The following NPTXR variants were observed in gnomAD, a reference collection of about 807,000 sequenced individuals.
The protein encoded by NPTXR is neuronal pentraxin receptor.
In NPTXR, 12 loss-of-function variants were observed where a neutral mutation model predicts 32.2. That is an observed-to-expected ratio of 0.37 (90% CI 0.24 to 0.60). NPTXR has a LOEUF of 0.60. Among genes scored for constraint, NPTXR ranks in the 20% least tolerant of loss-of-function variants. The probability of loss-of-function intolerance (pLI) is 0.66; values close to 1 mark genes in which losing one functional copy is unlikely to be tolerated. For synonymous variants in NPTXR, 323 were observed against 315.8 expected, an observed-to-expected ratio of 1.02 and a Z score of -0.24; for missense variants, 612 against 682.9, an observed-to-expected ratio of 0.90 and a Z score of 1.16.
In NPTXR at chr22:38,834,138, G is replaced by T. The variant is rs139921090; in HGVS notation, c.625-5626C>A. On this transcript the variant is annotated intron_variant, in intron 1 of 4. Coordinates refer to ENST00000333039, the MANE Select transcript of NPTXR (RefSeq NM_014293.4). This position sits in a 1 kb window ranked among gnomAD's most constrained non-coding sequence, Gnocchi z 4.4. ...ATGCTTGAATCTAAACCTGCGTCTCGCCCAGAGCTTCACTCAGCTCCTAGC... is the reference window on the plus strand; with the variant it reads ...ATGCTTGAATCTAAACCTGCGTCTCTCCCAGAGCTTCACTCAGCTCCTAGC... Among the ~76,000 whole-genome samples the T allele has an allele frequency of 1.3e-5, 2 of 151,634 alleles. No homozygotes were observed. The highest frequency in any genetic ancestry group is 4.9e-5 in the African/African-American group (2 of 41,208).
In NPTXR at chr22:38,843,346, G is replaced by A; in HGVS notation, c.513C>T (p.Gly171=). 7.1e-7 allele frequency: 1 copy of A among 1,411,256 alleles called. No individual in the cohort carries two copies. Among genetic ancestry groups the A allele is most frequent in the Non-Finnish European group, 9.2e-7 (1 of 1,090,432 alleles). The allele number at this position is 1,411,256 out of a possible 1,614,324, so 87.4% of individuals were successfully genotyped here. The change falls in exon 1 of 5, where the codon GGC becomes GGT. Residue 171 remains glycine, a synonymous_variant. Coordinates refer to ENST00000333039, the MANE Select transcript of NPTXR (RefSeq NM_014293.4). This position sits in a 1 kb window ranked among gnomAD's most constrained non-coding sequence, Gnocchi z 5.3. ...CCATGGTGTCGCGGCGGGGCCCGGCGCCCTGGAGGCCGCGCGGCAGGCCGC... is the reference window on the plus strand; with the variant it reads ...CCATGGTGTCGCGGCGGGGCCCGGCACCCTGGAGGCCGCGCGGCAGGCCGC...
chr22:38,840,445 T>C (rs1210237531), intron 1 of NPTXR, among the ~76,000 whole-genome samples: 1 of 151,862 alleles, frequency 6.6e-6, no homozygotes, highest in Admixed American at 6.6e-5. Context: ...AGGAAGACCC[T>C]TGGGGCTGCC....
rs9611034 is a variant in NPTXR at position 38,834,879 on chromosome 22, C to T, written c.625-6367G>A. 0.21 allele frequency among the ~76,000 whole-genome samples: 32,277 copies of T among 152,024 alleles called. 3,744 individuals are homozygous for T. The highest frequency in any genetic ancestry group is 0.3 in the African/African-American group (12,409 of 41,406). On this transcript the variant is annotated intron_variant, in intron 1 of 4. Transcript: ENST00000333039. The surrounding 1 kb of genome is among the most constrained non-coding windows in gnomAD (Gnocchi z 4.4). ...GTGTGGTCAACCATAAGAGGCAGTACGTGGTTGTCACATTACTATTATTCT... is the reference window on the plus strand; with the variant it reads ...GTGTGGTCAACCATAAGAGGCAGTATGTGGTTGTCACATTACTATTATTCT...
At chr22:38,826,846 C>T (rs2093107970) in intron 2 of NPTXR, 99 bp from the exon 3 acceptor site, 8 of 1,397,260 alleles carry the variant, frequency 5.7e-6, no homozygotes, top group Admixed American at 4.0e-5. Context: ...AGCTCCCAGG[C>T]ACCTGCTGCA....
intron 1 of NPTXR, among the ~76,000 whole-genome samples, chr22:38,835,480 T>C (rs1023324920): frequency 1.3e-5 from 2 of 152,034 alleles, no homozygotes; most frequent in African/African-American, 2.4e-5. Context: ...AGAAGACAAA[T>C]GGGGAGGAGG....
chr22:38,840,712 A>G (rs111861825), intron 1 of NPTXR, among the ~76,000 whole-genome samples: 9 of 152,236 alleles, frequency 5.9e-5, no homozygotes, highest in African/African-American at 2.2e-4. Context: ...CCTGGGCTGG[A>G]CACTGAGTTT....
chr22:38,836,254 T>C (rs2093123821), intron 1 of NPTXR, among the ~76,000 whole-genome samples: 1 of 152,100 alleles, frequency 6.6e-6, no homozygotes. Flanking sequence ...TGCAACCCAC[T>C]CCTGTGGCTC....
Position 38,826,579 on chromosome 22 carries a change from TAGG to T in NPTXR, c.1016_1018del (p.Ser339del). ...CTCGTTGGCCTGCCCGGGCACTGAG[TAGG>T]AGAAGGGGGTGCCCTGGCCGGTGCC... On this transcript the variant is annotated inframe_deletion, in exon 3 of 5. Coordinates refer to ENST00000333039, the MANE Select transcript of NPTXR (RefSeq NM_014293.4). 6.2e-7 allele frequency: 1 copy of T among 1,614,026 alleles called. No individual in the cohort carries two copies. Among genetic ancestry groups the T allele is most frequent in the Non-Finnish European group, 8.5e-7 (1 of 1,179,982 alleles).
In NPTXR at chr22:38,822,897, GC is replaced by G. The variant is rs112182726; in HGVS notation, c.1279-65del. 2.3e-3 allele frequency: 3,492 copies of G among 1,514,322 alleles called. 62 individuals are homozygous for G. The African/African-American group carries it at 0.041, about 18-fold the overall frequency. 93.8% of individuals were successfully genotyped at this position (1,514,322 alleles called of 1,614,324 possible). A position where few individuals can be genotyped will look rare whatever the true frequency, so the allele number is the denominator to read the frequency against. ...GTGAGGGAGCAGAAAAGACAGGCAG[GC>G]TGGCTCAGTCAGGCTCTTGTCCCCG... is the stretch of plus-strand genomic sequence containing the variant. On this transcript the variant is annotated intron_variant, in intron 4 of 4. Coordinates refer to ENST00000333039, the MANE Select transcript of NPTXR (RefSeq NM_014293.4).
chr22:38,842,633 C>G (rs2093133231), intron 1 of NPTXR, among the ~76,000 whole-genome samples: 1 of 152,180 alleles, frequency 6.6e-6, no homozygotes, highest in Non-Finnish European at 1.5e-5. Context: ...GTGTGTGAGG[C>G]TGGGCGCCTG....
rs117273127 is a variant in NPTXR at position 38,826,630 on chromosome 22, A to G, written c.968T>C (p.Met323Thr). 19 of 1,614,276 alleles carry G rather than the reference A, an allele frequency of 1.2e-5. No individual in the cohort carries two copies. In the East Asian group the frequency reaches 3.3e-4, roughly 28 times the overall value. Residue 323 changes from methionine to threonine, a missense_variant, in exon 3 of 5, where the codon ATG becomes ACG. Transcript: ENST00000333039. Reference sequence around the variant, plus strand: ...GCCGCTGGACCTGGACCGCAGCCACATGCAGGCGGTGAATGCGTAGAGCTC... The same window carrying G: ...GCCGCTGGACCTGGACCGCAGCCACGTGCAGGCGGTGAATGCGTAGAGCTC...
intron 1 of NPTXR, among the ~76,000 whole-genome samples, chr22:38,841,029 G>A (rs1381237632): frequency 6.6e-6 from 1 of 152,172 alleles, no homozygotes. Flanking sequence ...AGTGTATCCT[G>A]GGAGGGAAAG....
At chr22:38,835,398 G>A (rs1287708912) in intron 1 of NPTXR, among the ~76,000 whole-genome samples, 1 of 152,226 alleles carries the variant, frequency 6.6e-6, no homozygotes, top group Non-Finnish European at 1.5e-5. Context: ...TGGGGAACAG[G>A]TGAGTGGTGG....
intron 3 of NPTXR, among the ~76,000 whole-genome samples, chr22:38,826,096 G>T (rs1357393205): frequency 6.6e-6 from 1 of 152,106 alleles, no homozygotes; most frequent in Non-Finnish European, 1.5e-5. Context: ...GCCCGCCTCG[G>T]CCTCCCAAAG....
rs2093097845 is a variant in NPTXR, at chr22:38,821,897, T to G, written c.*712A>C. 1 of 154,516 alleles carries G rather than the reference T, an allele frequency of 6.5e-6. No homozygotes were observed. The highest frequency in any genetic ancestry group is 1.4e-5 in the Non-Finnish European group (1 of 69,436). 9.6% of individuals were successfully genotyped at this position (154,516 alleles called of 1,614,324 possible). On this transcript the variant is annotated 3_prime_UTR_variant, in exon 5 of 5. Coordinates refer to ENST00000333039, the MANE Select transcript of NPTXR (RefSeq NM_014293.4). Reference sequence around the variant, plus strand: ...ACTATGGGTGAGCACAAGGGGTGACTGCAGCCCTTTGGCCTCCTGGGGTCT... The same window carrying G: ...ACTATGGGTGAGCACAAGGGGTGACGGCAGCCCTTTGGCCTCCTGGGGTCT...
chr22:38,820,264 G>A lies in NPTXR; in HGVS notation c.*2345C>T, dbSNP rs933712969. ...AAGCCCGCCATTGCCTTTTCTTCCAGTGGGATTGTACTGGAGGGGCTGGGC... is the reference window on the plus strand; with the variant it reads ...AAGCCCGCCATTGCCTTTTCTTCCAATGGGATTGTACTGGAGGGGCTGGGC... On this transcript the variant is annotated 3_prime_UTR_variant, in exon 5 of 5. Coordinates refer to ENST00000333039, the MANE Select transcript of NPTXR (RefSeq NM_014293.4). 3.3e-5 allele frequency: 5 copies of A among 152,666 alleles called. No individual in the cohort carries two copies. Among genetic ancestry groups the A allele is most frequent in the Admixed American group, 6.5e-5 (1 of 15,284 alleles). 9.5% of individuals were successfully genotyped at this position (152,666 alleles called of 1,614,324 possible).
intron 1 of NPTXR, among the ~76,000 whole-genome samples, chr22:38,833,238 G>A (rs894753769): frequency 6.6e-6 from 1 of 152,206 alleles, no homozygotes; most frequent in African/African-American, 2.4e-5. Context: ...GTTCTGGGAC[G>A]GCCAGACCAC....
rs568289600 is a variant in NPTXR, at chr22:38,841,149, CTG to C, written c.624+2084_624+2085del. ...CTCCGCTGAGCCAAGTGGTCTCACC[CTG>C]TGTCTGCTGTGCTCCAGCTCCAGCC... On this transcript the variant is annotated intron_variant, in intron 1 of 4. Transcript: ENST00000333039. 2.8e-3 allele frequency among the ~76,000 whole-genome samples: 430 copies of C among 152,342 alleles called. 1 individual carries two copies. Among genetic ancestry groups the C allele is most frequent in the African/African-American group, 0.01 (420 of 41,566 alleles).
Position 38,834,542 on chromosome 22 carries a change from G to T in NPTXR, c.625-6030C>A, listed in dbSNP as rs1438725032. Reference sequence around the variant, plus strand: ...AGATGCTCTATAGAGAGAGAAGAGGGCCCTGAGAGCTTCTCTGGCAGGGCT... The same window carrying T: ...AGATGCTCTATAGAGAGAGAAGAGGTCCCTGAGAGCTTCTCTGGCAGGGCT... On this transcript the variant is annotated intron_variant, in intron 1 of 4. Coordinates refer to ENST00000333039, the MANE Select transcript of NPTXR (RefSeq NM_014293.4). The surrounding 1 kb of genome is among the most constrained non-coding windows in gnomAD (Gnocchi z 4.4). Among the ~76,000 whole-genome samples, 3 of 151,338 alleles carry T rather than the reference G, an allele frequency of 2.0e-5. No homozygotes were observed. The East Asian group carries it at 5.9e-4, about 30-fold the overall frequency.
Sources: gnomAD v4.1 joint callset for allele counts (sites outside exome capture counted in the v4.1 genomes callset) on GRCh38, gnomAD v4.1.1 for gene constraint, Gnocchi (gnomAD v3.1) non-coding constraint, MANE v1.5 for transcripts, NCBI Gene and HGNC (gene_info 2026-07-23, HGNC 2026-07-21) for gene names.